The following KHDRBS2 variants were observed in gnomAD, a reference collection of about 807,000 sequenced individuals.
KHDRBS2 encodes KH domain-containing, RNA-binding, signal transduction-associated protein 2.
KHDRBS2 carries 26 observed loss-of-function variants against 44.3 expected under a neutral mutation model. The observed-to-expected ratio is 0.59, with a 90% confidence interval of 0.43 to 0.81. The LOEUF (loss-of-function observed/expected upper bound fraction) is 0.81. Among genes scored for constraint, KHDRBS2 ranks in the 40% least tolerant of loss-of-function variants. The pLI is 0.00. For synonymous variants in KHDRBS2, 194 were observed against 151.1 expected (o/e 1.28, Z -2.08); for missense variants, 476 against 433.1 (o/e 1.10, Z -0.88).
In KHDRBS2 at chr6:62,224,699, T is replaced by C. The variant is rs74582168; in HGVS notation, c.92-47387A>G. On this transcript the variant is annotated intron_variant, in intron 1 of 8. Transcript: ENST00000281156. ...TCTATCTGAGAAATTTTGTATGAAG[T>C]GTTAAAGAGCACAGTGTTTAAGAGT... 4.6e-5 allele frequency among the ~76,000 whole-genome samples: 7 copies of C among 152,320 alleles called. No individual in the cohort carries two copies. In the East Asian group the frequency reaches 1.4e-3, roughly 29 times the overall value.
chr6:62,044,308 T>C (rs545993622), intron 3 of KHDRBS2, among the ~76,000 whole-genome samples: 16 of 151,840 alleles, frequency 1.1e-4, no homozygotes, highest in Middle Eastern at 3.4e-3. Context: ...AGACTCCATC[T>C]CTACAAAAAA....
At chr6:62,057,006 C>T (rs1311004745) in intron 2 of KHDRBS2, among the ~76,000 whole-genome samples, 1 of 151,912 alleles carries the variant, frequency 6.6e-6, no homozygotes, top group Non-Finnish European at 1.5e-5. Flanking sequence ...TTCTTTTACA[C>T]ACTCTGTTAA....
At chr6:62,125,830 G>A (rs1244851758) in intron 2 of KHDRBS2, among the ~76,000 whole-genome samples, 1 of 152,140 alleles carries the variant, frequency 6.6e-6, no homozygotes, top group Non-Finnish European at 1.5e-5. Flanking sequence ...TCCTAAATAA[G>A]CAGCACGGGT....
At chr6:62,064,774 G>C (rs1267496414) in intron 2 of KHDRBS2, among the ~76,000 whole-genome samples, 1 of 151,968 alleles carries the variant, frequency 6.6e-6, no homozygotes, top group Non-Finnish European at 1.5e-5. Flanking sequence ...AGCCAAAATT[G>C]ACAAATGGGA....
At chr6:61,612,128 A>C in the KHDRBS2 span, among the ~76,000 whole-genome samples, 1 of 114,578 alleles carries the variant, frequency 8.7e-6, no homozygotes, top group Non-Finnish European at 1.9e-5. Context: ...TATCCTGAAA[A>C]TTTCCTATGT....
chr6:62,158,923 G>A (rs562163534), intron 2 of KHDRBS2, among the ~76,000 whole-genome samples: 1 of 151,990 alleles, frequency 6.6e-6, no homozygotes, highest in African/African-American at 2.4e-5. Flanking sequence ...CCAGCCTACT[G>A]TGAGATAAAA....
intron 2 of KHDRBS2, among the ~76,000 whole-genome samples, chr6:62,062,068 G>A (rs1271366366): frequency 6.6e-6 from 1 of 151,074 alleles, no homozygotes; most frequent in African/African-American, 2.4e-5. Context: ...AATTCAACAA[G>A]AAGAGCTAAC....
At chr6:62,153,494 A>T (rs1815674192) in intron 2 of KHDRBS2, among the ~76,000 whole-genome samples, 1 of 151,690 alleles carries the variant, frequency 6.6e-6, no homozygotes, top group Admixed American at 6.6e-5. Flanking sequence ...CAGCCTTTAT[A>T]TTTTTTTTAA....
In KHDRBS2 at chr6:61,894,674, C is replaced by A. The variant is rs760552067; in HGVS notation, c.771G>T (p.Arg257Ser). ...CTTCATGGGCTGGAGGAGGAGGTGCCCTGTATCCTGGCACTGTTGGTGCCC... is the reference window on the plus strand; with the variant it reads ...CTTCATGGGCTGGAGGAGGAGGTGCACTGTATCCTGGCACTGTTGGTGCCC... ...ARGAPTVPGY[R>S]APPPPAHEAY... The change falls in exon 6 of 9, where the codon AGG (arginine) becomes AGT (serine). Residue 257 changes from arginine to serine, a missense_variant. Transcript: ENST00000281156. The A allele has an allele frequency of 6.2e-6, 10 of 1,613,028 alleles. No individual in the cohort carries two copies. The highest frequency in any genetic ancestry group is 8.5e-6 in the Non-Finnish European group (10 of 1,179,688).
intron 1 of KHDRBS2, among the ~76,000 whole-genome samples, chr6:62,260,711 G>A (rs989596063): frequency 6.6e-6 from 1 of 151,820 alleles, no homozygotes; most frequent in African/African-American, 2.4e-5. Context: ...CATTTTACAG[G>A]AAAATCACTT....
At chr6:61,611,998 G>A in the KHDRBS2 span, among the ~76,000 whole-genome samples, 1 of 152,084 alleles carries the variant, frequency 6.6e-6, no homozygotes, top group South Asian at 2.1e-4. Flanking sequence ...ATAGAATCAG[G>A]TCATATCAAG....
intron 6 of KHDRBS2, among the ~76,000 whole-genome samples, chr6:61,742,554 G>T (rs73759552): frequency 0.16 from 24,724 of 151,710 alleles, 2,496 homozygotes; most frequent in East Asian, 0.29. Context: ...TTGAATAGAT[G>T]AACTTCTGAT....
At chr6:62,093,763 TATTTA>T (rs933633057) in intron 2 of KHDRBS2, among the ~76,000 whole-genome samples, 2 of 151,776 alleles carry the variant, frequency 1.3e-5, no homozygotes, top group African/African-American at 4.8e-5. Flanking sequence ...GTGCTTGCCT[TATTTA>T]ATTTAACATA....
At position 61,893,981 on chromosome 6, in the gene KHDRBS2, G is replaced by T. The variant is rs1176645981; in HGVS notation, c.810+654C>A. Among the ~76,000 whole-genome samples, 3 of 151,854 alleles carry T rather than the reference G, an allele frequency of 2.0e-5. No homozygotes were observed. The East Asian group carries it at 5.8e-4, about 29-fold the overall frequency. ...CCCTTTTTACATATTTCACAATCTAGTCGGAGAAATGGACACAAGGACCAC... is the reference window on the plus strand; with the variant it reads ...CCCTTTTTACATATTTCACAATCTATTCGGAGAAATGGACACAAGGACCAC... On this transcript the variant is annotated intron_variant, in intron 6 of 8. Coordinates refer to ENST00000281156, the MANE Select transcript of KHDRBS2 (RefSeq NM_152688.4).
rs79845082 is a variant in KHDRBS2, at chr6:62,044,015, A to G, written c.336+3863T>C. Among the ~76,000 whole-genome samples the G allele has an allele frequency of 1.5e-3, 225 of 152,194 alleles. 1 individual carries two copies. Among genetic ancestry groups the G allele is most frequent in the African/African-American group, 5.1e-3 (211 of 41,548 alleles). ...TTGTGACTCATGTCTAATACTTTTT[A>G]TATAGCATAATATTGAATCTATTCT... On this transcript the variant is annotated intron_variant, in intron 3 of 8. Coordinates refer to ENST00000281156, the MANE Select transcript of KHDRBS2 (RefSeq NM_152688.4).
At chr6:61,764,437 G>T (rs907414832) in intron 6 of KHDRBS2, among the ~76,000 whole-genome samples, 5 of 151,976 alleles carry the variant, frequency 3.3e-5, no homozygotes, top group Admixed American at 2.6e-4. Context: ...GAACTATTAG[G>T]TTGGTGCAAA....
At position 62,064,275 on chromosome 6, in the gene KHDRBS2, A is replaced by G. The variant is rs1003263908; in HGVS notation, c.220-16281T>C. ...TGACTTTCTTCACAGAATTGGAAAA[A>G]ACTACTTTAAAGTTCATATGGAACA... is the stretch of plus-strand genomic sequence containing the variant. On this transcript the variant is annotated intron_variant, in intron 2 of 8. Coordinates refer to ENST00000281156, the MANE Select transcript of KHDRBS2 (RefSeq NM_152688.4). Among the ~76,000 whole-genome samples, 29 of 149,608 alleles carry G rather than the reference A, an allele frequency of 1.9e-4. 1 individual carries two copies. Among genetic ancestry groups the G allele is most frequent in the African/African-American group, 7.1e-4 (29 of 40,650 alleles).
At chr6:61,848,495 A>ATATG (rs1554236598) in intron 6 of KHDRBS2, among the ~76,000 whole-genome samples, 1 of 58,174 alleles carries the variant, frequency 1.7e-5, no homozygotes, top group African/African-American at 1.0e-4. Context: ...ATATATGTAT[A>ATATG]TATATATATA....
intron 3 of KHDRBS2, among the ~76,000 whole-genome samples, chr6:62,042,587 A>T (rs1483964378): frequency 1.3e-5 from 2 of 152,072 alleles, no homozygotes; most frequent in African/African-American, 4.8e-5. Context: ...GATTTGAGAG[A>T]CTATTATGCT....
Sources: allele counts gnomAD v4.1 joint callset (sites outside exome capture counted in the v4.1 genomes callset), GRCh38; gene constraint gnomAD v4.1.1; transcripts MANE v1.5; gene names NCBI Gene and HGNC (gene_info 2026-07-23, HGNC 2026-07-21).